Variants in GRIA4 observed in about 807,000 individuals in gnomAD.
The protein encoded by GRIA4 is glutamate ionotropic receptor AMPA type subunit 4.
In GRIA4, 34 loss-of-function variants were observed where a neutral mutation model predicts 104.0. The ratio of observed to expected loss-of-function variants is 0.33; its 90% CI spans 0.25 to 0.44. GRIA4 has a LOEUF of 0.44. Among genes scored for constraint, GRIA4 ranks in the 20% least tolerant of loss-of-function variants. The pLI, the probability that GRIA4 is intolerant of heterozygous loss-of-function variation, is 1.00. For synonymous variants in GRIA4, 386 were observed against 381.9 expected, an observed-to-expected ratio of 1.01 and a Z score of -0.13; for missense variants, 750 against 1,096.5, an observed-to-expected ratio of 0.68 and a Z score of 4.46.
intron 4 of GRIA4, among the ~76,000 whole-genome samples, chr11:105,786,335 G>C (rs1941967423): frequency 6.6e-6 from 1 of 151,964 alleles, no homozygotes; most frequent in South Asian, 2.1e-4. Flanking sequence ...TTTCTTTTAG[G>C]TTTATTACAA....
intron 3 of GRIA4, among the ~76,000 whole-genome samples, chr11:105,694,270 C>A (rs1953192228): frequency 6.6e-6 from 1 of 151,892 alleles, no homozygotes; most frequent in African/African-American, 2.4e-5. Context: ...CTGCCTCAGC[C>A]TCCTGAGTAG....
chr11:105,660,985 A>C (rs899971550), intron 3 of GRIA4, among the ~76,000 whole-genome samples: 1 of 151,644 alleles, frequency 6.6e-6, no homozygotes, highest in African/African-American at 2.4e-5. Context: ...ATGTGTTCTT[A>C]ACCTTGACTG....
intron 13 of GRIA4, among the ~76,000 whole-genome samples, chr11:105,928,183 A>G (rs1452298426): frequency 6.6e-6 from 1 of 151,986 alleles, no homozygotes; most frequent in Non-Finnish European, 1.5e-5. Flanking sequence ...TATACTTTAG[A>G]TGTTTACATA....
At chr11:105,783,796 G>A (rs1941839019) in intron 4 of GRIA4, among the ~76,000 whole-genome samples, 1 of 149,808 alleles carries the variant, frequency 6.7e-6, no homozygotes, top group Non-Finnish European at 1.5e-5. Flanking sequence ...GTATGTGTAT[G>A]AGTAAAAATC....
chr11:105,810,275 G>A (rs1311586049), intron 4 of GRIA4, among the ~76,000 whole-genome samples: 4 of 152,142 alleles, frequency 2.6e-5, no homozygotes, highest in Non-Finnish European at 4.4e-5. Context: ...GGTGACAGTT[G>A]CAATCACTTA....
chr11:105,757,431 G>A (rs888268492), intron 4 of GRIA4, among the ~76,000 whole-genome samples: 24 of 152,208 alleles, frequency 1.6e-4, no homozygotes, highest in African/African-American at 5.1e-4. Context: ...TAATTGATAT[G>A]AAACTAAAAC....
chr11:105,746,418 T>G (rs569029298), intron 3 of GRIA4, among the ~76,000 whole-genome samples: 14 of 147,402 alleles, frequency 9.5e-5, no homozygotes, highest in Non-Finnish European at 1.8e-4. Flanking sequence ...AGGTTTGGCT[T>G]TTTTTTTTTA....
At chr11:105,694,782 G>A (rs1953210789) in intron 3 of GRIA4, among the ~76,000 whole-genome samples, 1 of 152,042 alleles carries the variant, frequency 6.6e-6, no homozygotes, top group Admixed American at 6.6e-5. Flanking sequence ...AAATATCAAG[G>A]ATTTTAAATT....
chr11:105,690,112 T>A (rs2135491223), intron 3 of GRIA4, among the ~76,000 whole-genome samples: 1 of 152,274 alleles, frequency 6.6e-6, no homozygotes, highest in East Asian at 1.9e-4. Flanking sequence ...ATCTTTTTTT[T>A]CTTCAACGTC....
At chr11:105,710,320 A>G (rs1953866603) in intron 3 of GRIA4, among the ~76,000 whole-genome samples, 1 of 152,074 alleles carries the variant, frequency 6.6e-6, no homozygotes, top group South Asian at 2.1e-4. Flanking sequence ...TTTGTAGATT[A>G]GTGATATGTA....
rs537284523 is a variant in GRIA4 at position 105,745,647 on chromosome 11, T to C, written c.248-7334T>C. 1.1e-4 allele frequency among the ~76,000 whole-genome samples: 16 copies of C among 152,332 alleles called. No homozygotes were observed. The South Asian group carries it at 2.9e-3, about 28-fold the overall frequency. ...TGTCTCAAATGACTTCTTAGTTTTA[T>C]CTGTAAAATATAGTTTCTATCTAGT... is the stretch of plus-strand genomic sequence containing the variant. On this transcript the variant is annotated intron_variant, in intron 3 of 16. Coordinates refer to ENST00000282499, the MANE Select transcript of GRIA4 (RefSeq NM_000829.4).
intron 3 of GRIA4, among the ~76,000 whole-genome samples, chr11:105,616,452 C>T (rs1460391696): frequency 2.0e-5 from 3 of 151,576 alleles, no homozygotes; most frequent in Non-Finnish European, 4.4e-5. Context: ...AATTTAAATA[C>T]ATTGAAAATA....
intron 3 of GRIA4, among the ~76,000 whole-genome samples, chr11:105,745,059 G>A (rs1939560627): frequency 6.6e-6 from 1 of 152,022 alleles, no homozygotes; most frequent in Non-Finnish European, 1.5e-5. Flanking sequence ...GACTAAATAA[G>A]AAGAAAATAG....
At chr11:105,831,003 C>T (rs960234109) in intron 4 of GRIA4, among the ~76,000 whole-genome samples, 1 of 151,804 alleles carries the variant, frequency 6.6e-6, no homozygotes, top group Admixed American at 6.6e-5. Flanking sequence ...TTTTATTTAT[C>T]TATCAACCAT....
chr11:105,829,802 A>G (rs1021566803), intron 4 of GRIA4, among the ~76,000 whole-genome samples: 2 of 151,904 alleles, frequency 1.3e-5, no homozygotes, highest in African/African-American at 2.4e-5. Context: ...TTATCCATAT[A>G]TAAGTTTAAA....
At chr11:105,702,526 C>T (rs976095880) in intron 3 of GRIA4, among the ~76,000 whole-genome samples, 5 of 151,514 alleles carry the variant, frequency 3.3e-5, no homozygotes, top group African/African-American at 1.2e-4. Flanking sequence ...TGGGAAAGGG[C>T]ATGAAAAGAC....
chr11:105,764,628 G>C (rs949981036), intron 4 of GRIA4, among the ~76,000 whole-genome samples: 1 of 151,918 alleles, frequency 6.6e-6, no homozygotes, highest in Admixed American at 6.6e-5. Context: ...ATTGATTTAC[G>C]TAAGAACTAT....
rs1158735015 is a variant in GRIA4 at position 105,981,433 on chromosome 11, G to C, written c.*1694G>C. ...ATTAGATGGGCTACTGAGAGTACAGGGATATTATGGAAGATAAAGTTGGAA... is the reference window on the plus strand; with the variant it reads ...ATTAGATGGGCTACTGAGAGTACAGCGATATTATGGAAGATAAAGTTGGAA... On this transcript the variant is annotated 3_prime_UTR_variant, in exon 17 of 17. Transcript: ENST00000282499. 1 of 152,444 alleles carries C rather than the reference G, an allele frequency of 6.6e-6. No homozygotes were observed. The highest frequency in any genetic ancestry group is 2.4e-5 in the African/African-American group (1 of 41,360). 9.4% of individuals were successfully genotyped at this position (152,444 alleles called of 1,614,324 possible). A position where few individuals can be genotyped will look rare whatever the true frequency, so the allele number is the denominator to read the frequency against.
chr11:105,676,479 T>A lies in GRIA4; in HGVS notation c.247+64045T>A, dbSNP rs193142193. 4.0e-5 allele frequency among the ~76,000 whole-genome samples: 6 copies of A among 149,642 alleles called. No individual in the cohort carries two copies. In the East Asian group the frequency reaches 1.2e-3, roughly 30 times the overall value. ...GAAGGACTAGGAAAAAAGTTTATTTTGATTTGGAAAACATATTTGATATCT... is the reference window on the plus strand; with the variant it reads ...GAAGGACTAGGAAAAAAGTTTATTTAGATTTGGAAAACATATTTGATATCT... On this transcript the variant is annotated intron_variant, in intron 3 of 16. Transcript: ENST00000282499.
Sources: gnomAD v4.1 joint callset for allele counts (sites outside exome capture counted in the v4.1 genomes callset) on GRCh38, gnomAD v4.1.1 for gene constraint, MANE v1.5 for transcripts, NCBI Gene and HGNC (gene_info 2026-07-23, HGNC 2026-07-21) for gene names.